The following WWP2 variants were observed in gnomAD, a reference collection of about 807,000 sequenced individuals.
The protein encoded by WWP2 is NEDD4-like E3 ubiquitin-protein ligase WWP2.
In WWP2, 57 loss-of-function variants were observed where a neutral mutation model predicts 121.0. The observed-to-expected ratio is 0.47, with a 90% CI of 0.38 to 0.59. The LOEUF is 0.59. Ranked by LOEUF, WWP2 falls within the 20% of genes least tolerant of loss-of-function variation. WWP2 has a pLI of 0.00. For synonymous variants in WWP2, 449 were observed against 441.3 expected (o/e 1.02, Z -0.22); for missense variants, 962 against 1,158.9 (o/e 0.83, Z 2.47).
intron 4 of WWP2, among the ~76,000 whole-genome samples, chr16:69,827,567 T>C (rs1394767241): frequency 4.6e-5 from 7 of 152,208 alleles, no homozygotes; most frequent in Admixed American, 4.6e-4. Context: ...ATTGTAACCT[T>C]AAAAAATAAT....
chr16:69,826,381 C>G (rs1452926000), intron 4 of WWP2, among the ~76,000 whole-genome samples: 1 of 150,566 alleles, frequency 6.6e-6, no homozygotes, highest in African/African-American at 2.5e-5. Flanking sequence ...GCTTGGCCAA[C>G]ATAGTGAAAC....
At chr16:69,884,243 A>G (rs905484249) in intron 7 of WWP2, among the ~76,000 whole-genome samples, 40 of 152,194 alleles carry the variant, frequency 2.6e-4, no homozygotes, top group Admixed American at 1.4e-3. Flanking sequence ...GAATGTTCCC[A>G]TAGTATTTGA....
At chr16:69,870,564 G>A (rs1038299053) in intron 6 of WWP2, among the ~76,000 whole-genome samples, 2 of 152,194 alleles carry the variant, frequency 1.3e-5, no homozygotes, top group East Asian at 3.9e-4. Flanking sequence ...GCCTCCCAAA[G>A]TGTTAGGATA....
At chr16:69,934,256 T>C (rs2058762783) in intron 17 of WWP2, 127 bp downstream of exon 17, 2 of 1,254,656 alleles carry the variant, frequency 1.6e-6, no homozygotes, top group Admixed American at 2.3e-5. Context: ...AGGGGCAGCA[T>C]TGGAGGAGGC....
At chr16:69,921,194 C>T (rs1198160132) in intron 10 of WWP2, among the ~76,000 whole-genome samples, 2 of 152,140 alleles carry the variant, frequency 1.3e-5, no homozygotes, top group Admixed American at 1.3e-4. Flanking sequence ...TTCAATGTCT[C>T]TCTGTTGATT....
At chr16:69,770,146 G>A (rs1379794262) in intron 1 of WWP2, among the ~76,000 whole-genome samples, 2 of 152,180 alleles carry the variant, frequency 1.3e-5, no homozygotes, top group Non-Finnish European at 2.9e-5. Context: ...ACAGGTGTGA[G>A]CCACCACACC....
intron 4 of WWP2, among the ~76,000 whole-genome samples, chr16:69,808,442 C>T (rs1438467674): frequency 1.3e-5 from 2 of 151,918 alleles, no homozygotes; most frequent in African/African-American, 4.8e-5. Flanking sequence ...ACTCTTGTCG[C>T]CCAGGCTGGG....
At chr16:69,781,421 C>A (rs2055662039) in intron 1 of WWP2, among the ~76,000 whole-genome samples, 1 of 152,172 alleles carries the variant, frequency 6.6e-6, no homozygotes, top group Non-Finnish European at 1.5e-5. Context: ...TCTTGGCTCA[C>A]TGCAGCCTTG....
chr16:69,842,230 C>G (rs1352431415), intron 6 of WWP2, 110 bp downstream of exon 6: 1 of 1,068,438 alleles, frequency 9.4e-7, no homozygotes, highest in African/African-American at 1.6e-5. Flanking sequence ...TGGAGATTTC[C>G]AGAGATCTTG....
chr16:69,898,027 C>CTTTTTTT (rs369977148), intron 8 of WWP2, among the ~76,000 whole-genome samples: 2 of 128,138 alleles, frequency 1.6e-5, no homozygotes, highest in African/African-American at 2.9e-5. Flanking sequence ...TTCTTTCTTT[C>CTTTTTTT]TTTTTTTTTT....
intron 7 of WWP2, among the ~76,000 whole-genome samples, chr16:69,885,169 A>T (rs971088468): frequency 6.6e-6 from 1 of 151,250 alleles, no homozygotes; most frequent in African/African-American, 2.4e-5. Context: ...GTTCATGGCT[A>T]TTCTTGTGTA....
chr16:69,839,359 T>C (rs1241397134), intron 4 of WWP2, among the ~76,000 whole-genome samples: 1 of 152,200 alleles, frequency 6.6e-6, no homozygotes, highest in Non-Finnish European at 1.5e-5. Flanking sequence ...AGACAGAAGC[T>C]ATTCAGCACA....
chr16:69,900,487 G>T (rs1392183791), intron 8 of WWP2, among the ~76,000 whole-genome samples: 3 of 151,860 alleles, frequency 2.0e-5, no homozygotes, highest in African/African-American at 7.3e-5. Context: ...ATAATTAAAA[G>T]AATTTTTTAT....
chr16:69,865,144 A>G (rs1324470981), intron 6 of WWP2, among the ~76,000 whole-genome samples: 2 of 151,798 alleles, frequency 1.3e-5, no homozygotes, highest in Non-Finnish European at 2.9e-5. Context: ...CCACCTCCCA[A>G]GCTCAAGCCA....
intron 7 of WWP2, among the ~76,000 whole-genome samples, chr16:69,886,635 CT>C (rs1484460328): frequency 1.3e-5 from 2 of 152,276 alleles, no homozygotes; most frequent in East Asian, 3.9e-4. Context: ...TGGCGCACAC[CT>C]GTAATCCTAG....
intron 6 of WWP2, among the ~76,000 whole-genome samples, chr16:69,861,316 C>T (rs561218929): frequency 6.6e-6 from 1 of 152,266 alleles, no homozygotes; most frequent in African/African-American, 2.4e-5. Flanking sequence ...CAACATACGG[C>T]CTGGAAGTAG....
intron 1 of WWP2, among the ~76,000 whole-genome samples, chr16:69,770,425 A>T (rs2055390274): frequency 2.0e-5 from 3 of 152,176 alleles, no homozygotes; most frequent in African/African-American, 7.2e-5. Context: ...ATGGCTGCAC[A>T]CGTGGAGGTT....
At chr16:69,877,856 G>A (rs748390404) in intron 7 of WWP2, among the ~76,000 whole-genome samples, 3 of 152,052 alleles carry the variant, frequency 2.0e-5, no homozygotes, top group Non-Finnish European at 2.9e-5. Context: ...TGCCCACGCT[G>A]GAGTGCAATG....
At chr16:69,826,887 C>T (rs1038314704) in intron 4 of WWP2, among the ~76,000 whole-genome samples, 5 of 142,186 alleles carry the variant, frequency 3.5e-5, no homozygotes, top group Non-Finnish European at 4.5e-5. Flanking sequence ...TGCAGTAAGC[C>T]GAGATCGTGC....
Sources: gnomAD v4.1 joint callset for allele counts (sites outside exome capture counted in the v4.1 genomes callset) on GRCh38, gnomAD v4.1.1 for gene constraint, MANE v1.5 for transcripts, NCBI Gene and HGNC (gene_info 2026-07-23, HGNC 2026-07-21) for gene names.